The following ATXN7 variants were observed in gnomAD, a reference collection of about 807,000 sequenced individuals.
ATXN7 encodes the protein ataxin 7.
A neutral mutation model predicts 70.5 loss-of-function variants in ATXN7; 12 were observed. The ratio of observed to expected loss-of-function variants is 0.17; its 90% CI spans 0.11 to 0.28. The LOEUF (loss-of-function observed/expected upper bound fraction) is 0.28. Ranked by LOEUF, ATXN7 falls within the 10% of genes least tolerant of loss-of-function variation. ATXN7 has a pLI of 1.00. For synonymous variants in ATXN7, 498 were observed against 448.7 expected (o/e 1.11, Z -1.39); for missense variants, 1,256 against 1,131.7 (o/e 1.11, Z -1.58).
At chr3:63,964,199 C>T (rs991710880) in intron 5 of ATXN7, among the ~76,000 whole-genome samples, 3 of 151,676 alleles carry the variant, frequency 2.0e-5, no homozygotes, top group African/African-American at 7.3e-5. Flanking sequence ...TCTTTCAAAA[C>T]GAGTGATTAT....
In ATXN7 at chr3:63,988,302, C is replaced by T. The variant is rs1354708897; in HGVS notation, c.1339C>T (p.Pro447Ser). Residue 447 changes from proline (P) to serine (S), a missense_variant, in exon 9 of 13, where the codon CCT becomes TCT. By Grantham distance (74) the Pro-to-Ser change is moderately conservative. Coordinates refer to ENST00000674280, the MANE Select transcript of ATXN7 (RefSeq NM_001377405.1). ...GCCTTTTGTAGCTAGTAAACCTAAA[C>T]CTCACACCCCCAGTCTTCCAAGGTA... is the stretch of plus-strand genomic sequence containing the variant. ...SKPFVASKPK[P>S]HTPSLPRPPG... The T allele has an allele frequency of 6.2e-7, 1 of 1,614,064 alleles. No individual in the cohort carries two copies. Among genetic ancestry groups the T allele is most frequent in the South Asian group, 1.1e-5 (1 of 91,064 alleles).
intron 4 of ATXN7, among the ~76,000 whole-genome samples, chr3:63,944,061 A>G (rs555089171): frequency 1.3e-5 from 2 of 152,234 alleles, no homozygotes; most frequent in African/African-American, 4.8e-5. Context: ...CATGGCCTTC[A>G]GGGAGGAGTG....
chr3:63,968,040 G>T, intron 5 of ATXN7: 3 of 1,308,578 alleles, frequency 2.3e-6, no homozygotes, highest in Non-Finnish European at 2.1e-6. Flanking sequence ...GGATGAGCCT[G>T]TGGACGGTGG....
At chr3:63,926,886 A>G (rs755563353) in intron 4 of ATXN7, among the ~76,000 whole-genome samples, 5 of 150,940 alleles carry the variant, frequency 3.3e-5, no homozygotes, top group Non-Finnish European at 7.4e-5. Flanking sequence ...TCATTGTTCA[A>G]CTCCTACTTA....
intron 8 of ATXN7, among the ~76,000 whole-genome samples, chr3:63,986,619 A>G (rs1248678713): frequency 6.6e-6 from 1 of 152,212 alleles, no homozygotes; most frequent in African/African-American, 2.4e-5. Context: ...TGCTGGTACA[A>G]CACAAACAAA....
chr3:63,868,343 T>C (rs1702496169), intron 1 of ATXN7, among the ~76,000 whole-genome samples: 1 of 152,188 alleles, frequency 6.6e-6, no homozygotes, highest in African/African-American at 2.4e-5. Flanking sequence ...CATCTGGATA[T>C]GGCTAACTAG....
intron 11 of ATXN7, chr3:63,991,123 A>G (rs1248380143): frequency 6.6e-6 from 3 of 452,214 alleles, no homozygotes; most frequent in Admixed American, 3.4e-5. Context: ...TAAGGGGAGA[A>G]AAAAACTAGT....
chr3:63,955,653 C>T (rs888595071), intron 5 of ATXN7, among the ~76,000 whole-genome samples: 5 of 152,166 alleles, frequency 3.3e-5, no homozygotes, highest in African/African-American at 1.2e-4. Flanking sequence ...TTGTTTTCCA[C>T]AGTTAACAAA....
intron 4 of ATXN7, among the ~76,000 whole-genome samples, chr3:63,927,694 CT>C (rs1370317581): frequency 2.6e-5 from 4 of 152,116 alleles, no homozygotes; most frequent in Admixed American, 1.3e-4. Context: ...AAACTCTGTG[CT>C]TTTTTCCAGC....
intron 1 of ATXN7, among the ~76,000 whole-genome samples, chr3:63,891,091 C>A (rs1304167191): frequency 6.6e-6 from 1 of 152,100 alleles, no homozygotes. Context: ...CTCACTGCAA[C>A]CTCCACCTCC....
chr3:63,998,143 G>A, intron 12 of ATXN7: 1 of 978,524 alleles, frequency 1.0e-6, no homozygotes, highest in Non-Finnish European at 1.2e-6. Context: ...TGAGCACACT[G>A]TCTTCATTTA....
intron 5 of ATXN7, among the ~76,000 whole-genome samples, chr3:63,962,273 A>G (rs1030363667): frequency 5.3e-5 from 8 of 152,188 alleles, no homozygotes; most frequent in African/African-American, 1.9e-4. Flanking sequence ...TTAAAATAAA[A>G]TACAAATAGC....
In ATXN7 at chr3:63,980,234, T is replaced by C. The variant is rs906576176; in HGVS notation, c.752+67T>C. 3.8e-6 allele frequency: 6 copies of C among 1,577,042 alleles called. No individual in the cohort carries two copies. The East Asian group carries it at 1.3e-4, about 35-fold the overall frequency. On this transcript the variant is annotated intron_variant, in intron 6 of 12. Coordinates refer to ENST00000674280, the MANE Select transcript of ATXN7 (RefSeq NM_001377405.1). ...AATGAAACTGTGTACACTAGTGGCA[T>C]GTGAGAGTGCCTGTGAGTAATATAA...
At chr3:63,959,741 C>T (rs951067158) in intron 5 of ATXN7, among the ~76,000 whole-genome samples, 18 of 152,058 alleles carry the variant, frequency 1.2e-4, no homozygotes, top group African/African-American at 4.3e-4. Context: ...TTTGTAGGAG[C>T]AACATTTTAA....
intron 5 of ATXN7, among the ~76,000 whole-genome samples, chr3:63,961,490 ACTG>A (rs2075130735): frequency 6.6e-6 from 1 of 152,104 alleles, no homozygotes. Flanking sequence ...GGTTTGTACT[ACTG>A]TGATTTGATG....
At chr3:63,875,608 T>C (rs1702727568) in intron 1 of ATXN7, among the ~76,000 whole-genome samples, 1 of 152,224 alleles carries the variant, frequency 6.6e-6, no homozygotes, top group Admixed American at 6.5e-5. Context: ...AAGTACCTCT[T>C]GGAGCCCTTC....
intron 4 of ATXN7, among the ~76,000 whole-genome samples, chr3:63,922,240 C>T (rs1704538901): frequency 6.6e-6 from 1 of 152,008 alleles, no homozygotes; most frequent in Non-Finnish European, 1.5e-5. Flanking sequence ...CGGGGTTTCA[C>T]CATGTTGCCC....
chr3:63,924,479 G>C (rs1480461816), intron 4 of ATXN7, among the ~76,000 whole-genome samples: 1 of 152,160 alleles, frequency 6.6e-6, no homozygotes, highest in Non-Finnish European at 1.5e-5. Flanking sequence ...AGGGCCAAGG[G>C]CTGAGCCTTG....
chr3:63,949,776 T>C (rs553622447), intron 4 of ATXN7, among the ~76,000 whole-genome samples: 3 of 152,290 alleles, frequency 2.0e-5, no homozygotes, highest in Admixed American at 2.0e-4. Context: ...GGTGTGTGTG[T>C]GCATGCTTTT....
Sources: gnomAD v4.1 joint callset for allele counts (sites outside exome capture counted in the v4.1 genomes callset) on GRCh38, gnomAD v4.1.1 for gene constraint, MANE v1.5 for transcripts, NCBI Gene and HGNC (gene_info 2026-07-23, HGNC 2026-07-21) for gene names.